Variants in TMEM8B observed in about 807,000 individuals in gnomAD.
TMEM8B encodes the protein transmembrane protein 8B.
Under a neutral mutation model 49.3 loss-of-function variants are expected in TMEM8B, and 29 were observed. The observed-to-expected ratio is 0.59, with a 90% CI of 0.44 to 0.80. The LOEUF is 0.80. TMEM8B is among the 30% of genes least tolerant of loss of function. The pLI, the probability that TMEM8B is intolerant of heterozygous loss-of-function variation, is 0.00. For missense variants in TMEM8B, 575 were observed against 658.5 expected, an observed-to-expected ratio of 0.87 and a Z score of 1.39; for synonymous variants, 264 against 272.8, an observed-to-expected ratio of 0.97 and a Z score of 0.32.
chr9:35,850,779 A>G (rs999823169), intron 10 of TMEM8B, among the ~76,000 whole-genome samples: 2 of 152,198 alleles, frequency 1.3e-5, no homozygotes, highest in Non-Finnish European at 2.9e-5. Context: ...GAAATATAGT[A>G]CAAATCTCTC....
chr9:35,835,277 T>TC (rs1830331653), intron 3 of TMEM8B, 59 bp downstream of exon 3: 1 of 411,818 alleles, frequency 2.4e-6, no homozygotes. Context: ...TCTGCTGAAT[T>TC]CCCCCCACAG....
At chr9:35,844,569 T>G (rs941173476) in intron 6 of TMEM8B, among the ~76,000 whole-genome samples, 1 of 152,284 alleles carries the variant, frequency 6.6e-6, no homozygotes, top group Non-Finnish European at 1.5e-5. Context: ...AGATATTTCT[T>G]ATTTACATAA....
chr9:35,852,700 TC>T (rs1832260836), intron 10 of TMEM8B, 126 bp from the exon 11 acceptor site: 2 of 1,104,908 alleles, frequency 1.8e-6, no homozygotes, highest in South Asian at 2.9e-5. Flanking sequence ...TCCCAGATCT[TC>T]TCATCTGTGA....
intron 3 of TMEM8B, among the ~76,000 whole-genome samples, chr9:35,837,543 G>T (rs1419055156): frequency 6.6e-6 from 1 of 152,050 alleles, no homozygotes; most frequent in African/African-American, 2.4e-5. Flanking sequence ...TTGAGCAGAG[G>T]CCAGATCACG....
Position 35,860,689 on chromosome 9 carries a change from G to A in TMEM8B, c.*6849G>A, listed in dbSNP as rs545358087. ...TTTGTTTAAAAGGACACATAAGAAC[G>A]TACATGTCTCAATAGAGTTACTGGT... On this transcript the variant is annotated 3_prime_UTR_variant, in exon 13 of 13. Coordinates refer to ENST00000643932, the MANE Select transcript of TMEM8B (RefSeq NM_001042590.4). The A allele has an allele frequency of 1.3e-5, 2 of 152,290 alleles. No homozygotes were observed. The highest frequency in any genetic ancestry group is 6.5e-5 in the Admixed American group (1 of 15,304). The allele number at this position is 152,290 out of a possible 1,614,324, so 9.4% of individuals were successfully genotyped here. A position where few individuals can be genotyped will look rare whatever the true frequency, so the allele number is the denominator to read the frequency against.
At chr9:35,839,376 G>A (rs7874478) in intron 3 of TMEM8B, among the ~76,000 whole-genome samples, 30,410 of 152,102 alleles carry the variant, frequency 0.2, 3,240 homozygotes, top group East Asian at 0.37. Context: ...TCTCTCACCT[G>A]GTGTCTGCCC....
chr9:35,858,612 A>G lies in TMEM8B; in HGVS notation c.*4772A>G, dbSNP rs1011230561. On this transcript the variant is annotated 3_prime_UTR_variant, in exon 13 of 13. Transcript: ENST00000643932. ...GGTTGACACTGTCAGCTGGTGTGGT[A>G]GTCATTAGGCCATTCACAAATCTCT... 3.3e-5 allele frequency: 5 copies of G among 152,302 alleles called. No homozygotes were observed. The highest frequency in any genetic ancestry group is 6.5e-5 in the Admixed American group (1 of 15,288). 9.4% of individuals were successfully genotyped at this position (152,302 alleles called of 1,614,324 possible).
At chr9:35,848,166 T>G (rs1309703915) in intron 10 of TMEM8B, among the ~76,000 whole-genome samples, 1 of 152,194 alleles carries the variant, frequency 6.6e-6, no homozygotes. Flanking sequence ...CTCCTGGAGA[T>G]TCATCCAGAG....
At chr9:35,843,343 C>T (rs770835221) in intron 6 of TMEM8B, among the ~76,000 whole-genome samples, 5 of 152,184 alleles carry the variant, frequency 3.3e-5, no homozygotes, top group African/African-American at 4.8e-5. Context: ...ATATTTATTA[C>T]ATCCCAGTCC....
In TMEM8B at chr9:35,854,272, C is replaced by G. The variant is rs574708395; in HGVS notation, c.*432C>G. ...TTCCCAGAGGCTCAGCAACTCTGGCCTCAGGCTTCCTTCCCAGAGGCAGCG... is the reference window on the plus strand; with the variant it reads ...TTCCCAGAGGCTCAGCAACTCTGGCGTCAGGCTTCCTTCCCAGAGGCAGCG... On this transcript the variant is annotated 3_prime_UTR_variant, in exon 13 of 13. Transcript: ENST00000643932. 1 of 159,216 alleles carries G rather than the reference C, an allele frequency of 6.3e-6. No individual in the cohort carries two copies. Among genetic ancestry groups the G allele is most frequent in the Non-Finnish European group, 1.4e-5 (1 of 72,796 alleles). The allele number at this position is 159,216 out of a possible 1,614,324, so 9.9% of individuals were successfully genotyped here.
At position 35,853,317 on chromosome 9, in the gene TMEM8B, G is replaced by C. The variant is rs1268256707; in HGVS notation, c.2439+60G>C. 1.3e-5 allele frequency: 20 copies of C among 1,500,324 alleles called. No individual in the cohort carries two copies. The Admixed American group carries it at 2.5e-4, about 19-fold the overall frequency. 92.9% of individuals were successfully genotyped at this position (1,500,324 alleles called of 1,614,324 possible). ...AGCAGGACTTGGGTGCTGGGCCCCAGGTATCTGGTCCCCAGTTTAAGGTGG... is the reference window on the plus strand; with the variant it reads ...AGCAGGACTTGGGTGCTGGGCCCCACGTATCTGGTCCCCAGTTTAAGGTGG... On this transcript the variant is annotated intron_variant, in intron 12 of 12. Coordinates refer to ENST00000643932, the MANE Select transcript of TMEM8B (RefSeq NM_001042590.4). This position sits in a 1 kb window ranked among gnomAD's most constrained non-coding sequence, Gnocchi z 4.2.
rs1486820899 is a variant in TMEM8B, at chr9:35,829,262, C to T, written c.-186C>T. The T allele has an allele frequency of 8.4e-6, 3 of 355,986 alleles. No individual in the cohort carries two copies. Among genetic ancestry groups the T allele is most frequent in the Admixed American group, 4.7e-5 (1 of 21,232 alleles). 22.1% of individuals were successfully genotyped at this position (355,986 alleles called of 1,614,324 possible). A position where few individuals can be genotyped will look rare whatever the true frequency, so the allele number is the denominator to read the frequency against. On this transcript the variant is annotated 5_prime_UTR_variant, in exon 1 of 13. Coordinates refer to ENST00000643932, the MANE Select transcript of TMEM8B (RefSeq NM_001042590.4). Reference sequence around the variant, plus strand: ...TCAAGTCGAGGCCGCCGCCGCGGGGCCTGGTTATCGCCGGTTCAGCGCAGC... The same window carrying T: ...TCAAGTCGAGGCCGCCGCCGCGGGGTCTGGTTATCGCCGGTTCAGCGCAGC...
intron 10 of TMEM8B, among the ~76,000 whole-genome samples, chr9:35,849,496 T>C (rs913060516): frequency 1.3e-5 from 2 of 152,254 alleles, no homozygotes; most frequent in Non-Finnish European, 2.9e-5. Flanking sequence ...ACTGTTATAG[T>C]TGATACATGC....
At position 35,858,803 on chromosome 9, in the gene TMEM8B, T is replaced by A. The variant is rs373919041; in HGVS notation, c.*4963T>A. On this transcript the variant is annotated 3_prime_UTR_variant, in exon 13 of 13. Coordinates refer to ENST00000643932, the MANE Select transcript of TMEM8B (RefSeq NM_001042590.4). ...GCTTTAAGAGTCAGTGTAGGCTTTG[T>A]TACTTTCCCTTTTCTTTTTGTCATG... 47 of 152,240 alleles carry A rather than the reference T, an allele frequency of 3.1e-4. No individual in the cohort carries two copies. The highest frequency in any genetic ancestry group is 1.1e-3 in the African/African-American group (44 of 41,446). The allele number at this position is 152,240 out of a possible 1,614,324, so 9.4% of individuals were successfully genotyped here. A position where few individuals can be genotyped will look rare whatever the true frequency, so the allele number is the denominator to read the frequency against.
At position 35,846,084 on chromosome 9, in the gene TMEM8B, G is replaced by A. The variant is rs1432038116; in HGVS notation, c.1729+16G>A. 1.4e-5 allele frequency: 22 copies of A among 1,613,602 alleles called. No homozygotes were observed. Among genetic ancestry groups the A allele is most frequent in the Non-Finnish European group, 1.9e-5 (22 of 1,179,924 alleles). ...TGTTCCAAAGGTGAGGTGAGGAATG[G>A]GGGAGGAGAGGAAGCTGCAGTGTGG... On this transcript the variant is annotated intron_variant, in intron 7 of 12. Coordinates refer to ENST00000643932, the MANE Select transcript of TMEM8B (RefSeq NM_001042590.4).
At chr9:35,845,282 G>A (rs953872524) in intron 6 of TMEM8B, 21 of 554,244 alleles carry the variant, frequency 3.8e-5, no homozygotes, top group Non-Finnish European at 4.8e-5. Context: ...GCCTACCTTA[G>A]GGACAGACTT....
Position 35,853,117 on chromosome 9 carries a change from C to G in TMEM8B, c.2323-24C>G, listed in dbSNP as rs1460694808. Reference sequence around the variant, plus strand: ...TGCTGTCTGTCACCTGGCCCTAGCCCAGCCCTTGAGTCTCTTTCTCTAGGT... The same window carrying G: ...TGCTGTCTGTCACCTGGCCCTAGCCGAGCCCTTGAGTCTCTTTCTCTAGGT... On this transcript the variant is annotated intron_variant, in intron 11 of 12. Transcript: ENST00000643932. The surrounding 1 kb of genome is among the most constrained non-coding windows in gnomAD (Gnocchi z 4.2). The G allele has an allele frequency of 1.2e-6, 2 of 1,611,434 alleles. No individual in the cohort carries two copies. Among genetic ancestry groups the G allele is most frequent in the African/African-American group, 2.7e-5 (2 of 74,894 alleles).
chr9:35,849,355 A>G (rs1380269793), intron 10 of TMEM8B, among the ~76,000 whole-genome samples: 1 of 152,220 alleles, frequency 6.6e-6, no homozygotes, highest in Non-Finnish European at 1.5e-5. Context: ...TTTTGAAAAA[A>G]CAAAAACAGG....
At chr9:35,843,748 C>T (rs1831245355) in intron 6 of TMEM8B, among the ~76,000 whole-genome samples, 1 of 152,076 alleles carries the variant, frequency 6.6e-6, no homozygotes, top group African/African-American at 2.4e-5. Context: ...GGGAAAATAT[C>T]TCCCTAATGC....
Sources: gnomAD v4.1 joint callset for allele counts (sites outside exome capture counted in the v4.1 genomes callset) on GRCh38, gnomAD v4.1.1 for gene constraint, Gnocchi (gnomAD v3.1) non-coding constraint, MANE v1.5 for transcripts, NCBI Gene and HGNC (gene_info 2026-07-23, HGNC 2026-07-21) for gene names.